WIPI1: variants seen among roughly 807,000 people sequenced by gnomAD.
WIPI1 encodes the protein WD repeat domain phosphoinositide-interacting protein 1.
WIPI1 carries 45 observed loss-of-function variants against 55.3 expected under a neutral mutation model. The ratio of observed to expected loss-of-function variants is 0.81; its 90% CI spans 0.64 to 1.04. The LOEUF (loss-of-function observed/expected upper bound fraction) is 1.04, where lower values mean the gene tolerates loss of function less well. Ranked by LOEUF, WIPI1 falls within the 50% of genes least tolerant of loss-of-function variation. WIPI1 has a pLI of 0.00. For missense variants in WIPI1, 445 were observed against 559.0 expected, an observed-to-expected ratio of 0.80 and a Z score of 2.06; for synonymous variants, 195 against 217.6, an observed-to-expected ratio of 0.90 and a Z score of 0.92.
At chr17:68,437,949 A>AAAAC (rs2083896028) in intron 4 of WIPI1, among the ~76,000 whole-genome samples, 1 of 37,762 alleles carries the variant, frequency 2.6e-5, no homozygotes, top group Non-Finnish European at 4.9e-5. Context: ...CATCTCTCTT[A>AAAAC]AAAAAAAAAA....
rs377490906 is a variant in WIPI1, at chr17:68,457,393, G to A, written c.29C>T (p.Pro10Leu). 10 of 1,534,098 alleles carry A rather than the reference G, an allele frequency of 6.5e-6. No individual in the cohort carries two copies. The highest frequency in any genetic ancestry group is 4.3e-5 in the African/African-American group (3 of 70,098). MEAEAADAP[P>L]GGVESALSCF... ...GCTGAGCGCCGACTCAACCCCGCCC[G>A]GGGGAGCGTCCGCGGCCTCGGCCTC... is the stretch of plus-strand genomic sequence containing the variant. Residue 10 changes from proline to leucine, a missense_variant, in exon 1 of 13, where the codon CCG becomes CTG. Physicochemically the swap from Pro to Leu is moderately conservative, Grantham distance 98. Coordinates refer to ENST00000262139, the MANE Select transcript of WIPI1 (RefSeq NM_017983.7).
At chr17:68,445,910 T>C (rs1373724539) in intron 3 of WIPI1, among the ~76,000 whole-genome samples, 2 of 152,156 alleles carry the variant, frequency 1.3e-5, no homozygotes, top group African/African-American at 4.8e-5. Context: ...CCCTGGGCTC[T>C]CCCCGGAGAT....
intron 1 of WIPI1, among the ~76,000 whole-genome samples, chr17:68,456,388 G>A (rs1308633027): frequency 3.9e-5 from 6 of 152,210 alleles, no homozygotes; most frequent in Admixed American, 3.9e-4. Flanking sequence ...ACAGAAACTG[G>A]TACAGCAGGA....
chr17:68,442,534 T>C (rs1379935088), intron 4 of WIPI1, among the ~76,000 whole-genome samples: 4 of 151,504 alleles, frequency 2.6e-5, no homozygotes, highest in Non-Finnish European at 4.4e-5. Context: ...AGCAACCCTG[T>C]CCTCTGGGGG....
chr17:68,453,024 G>C lies in WIPI1; in HGVS notation c.81-32C>G, dbSNP rs757303152. 16 of 1,557,866 alleles carry C rather than the reference G, an allele frequency of 1.0e-5. No individual in the cohort carries two copies. The Admixed American group carries it at 2.5e-4, about 24-fold the overall frequency. Reference sequence around the variant, plus strand: ...AGGATAATGACAGCATGGGAATAACGACAGGTATTCTAACAACAGATCTGT... The same window carrying C: ...AGGATAATGACAGCATGGGAATAACCACAGGTATTCTAACAACAGATCTGT... On this transcript the variant is annotated intron_variant, in intron 1 of 12. Transcript: ENST00000262139.
chr17:68,430,940 A>T (rs1700967629), intron 8 of WIPI1, among the ~76,000 whole-genome samples: 3 of 152,154 alleles, frequency 2.0e-5, no homozygotes, highest in African/African-American at 4.8e-5. Flanking sequence ...GGTATTCTTT[A>T]CTATGCTACC....
At chr17:68,425,964 A>AGTT (rs1455736209) in intron 12 of WIPI1, 111 bp downstream of exon 12, 1 of 786,368 alleles carries the variant, frequency 1.3e-6, no homozygotes, top group East Asian at 2.5e-5. Context: ...GCAGAGAATT[A>AGTT]GTTGTTATAG....
intron 12 of WIPI1, among the ~76,000 whole-genome samples, chr17:68,425,324 G>A (rs565746441): frequency 2.6e-5 from 4 of 151,892 alleles, no homozygotes; most frequent in Non-Finnish European, 5.9e-5. Context: ...CCATCTCAGC[G>A]TCCCGAATAG....
chr17:68,450,602 T>C, intron 3 of WIPI1, 126 bp downstream of exon 3: 2 of 1,278,200 alleles, frequency 1.6e-6, no homozygotes, highest in East Asian at 4.9e-5. Context: ...ACACGGGGCC[T>C]GAGTGTTAAC....
intron 6 of WIPI1, 30 bp from the exon 7 acceptor site, chr17:68,434,656 A>G: frequency 6.2e-7 from 1 of 1,611,756 alleles, no homozygotes; most frequent in Non-Finnish European, 8.5e-7. Context: ...GACATTTCAT[A>G]ACCATTAGTG....
At chr17:68,427,813 T>G (rs1366001317) in intron 10 of WIPI1, among the ~76,000 whole-genome samples, 1 of 152,174 alleles carries the variant, frequency 6.6e-6, no homozygotes, top group Non-Finnish European at 1.5e-5. Flanking sequence ...TGGGGGGCGG[T>G]GGCAGCTCTG....
At chr17:68,456,140 A>G (rs2084639984) in intron 1 of WIPI1, among the ~76,000 whole-genome samples, 1 of 152,228 alleles carries the variant, frequency 6.6e-6, no homozygotes. Flanking sequence ...CATATTTCGT[A>G]TTGTGGATTG....
chr17:68,443,346 C>G (rs2084158441), intron 4 of WIPI1, among the ~76,000 whole-genome samples: 1 of 152,198 alleles, frequency 6.6e-6, no homozygotes, highest in Non-Finnish European at 1.5e-5. Context: ...CTCCTAACCT[C>G]AGGTGATCCA....
intron 4 of WIPI1, among the ~76,000 whole-genome samples, chr17:68,443,292 T>G (rs1392502126): frequency 6.6e-6 from 1 of 152,072 alleles, no homozygotes; most frequent in African/African-American, 2.4e-5. Flanking sequence ...TGTATTTTTT[T>G]GGTAGAGACA....
At chr17:68,439,219 G>A (rs555586319) in intron 4 of WIPI1, among the ~76,000 whole-genome samples, 1 of 152,188 alleles carries the variant, frequency 6.6e-6, no homozygotes, top group Non-Finnish European at 1.5e-5. Context: ...GTCAAAAAGT[G>A]GAAATAACCC....
At chr17:68,449,724 C>T (rs1006156310) in intron 3 of WIPI1, among the ~76,000 whole-genome samples, 1 of 152,218 alleles carries the variant, frequency 6.6e-6, no homozygotes, top group Non-Finnish European at 1.5e-5. Context: ...CAGATGCTGC[C>T]GTGCTTCCTG....
chr17:68,437,005 A>AAAAATATAT (rs10629905), intron 4 of WIPI1, among the ~76,000 whole-genome samples: 207 of 107,248 alleles, frequency 1.9e-3, no homozygotes, highest in African/African-American at 3.3e-3. Flanking sequence ...AAAAAAAAAA[A>AAAAATATAT]ATATATATAT....
intron 4 of WIPI1, among the ~76,000 whole-genome samples, chr17:68,440,275 A>C (rs2084020269): frequency 6.6e-6 from 1 of 152,214 alleles, no homozygotes; most frequent in African/African-American, 2.4e-5. Flanking sequence ...CAAGTGTCAG[A>C]AAAATCCAAC....
intron 1 of WIPI1, among the ~76,000 whole-genome samples, chr17:68,453,306 G>GA (rs1282175065): frequency 1.3e-5 from 2 of 152,138 alleles, no homozygotes; most frequent in African/African-American, 2.4e-5. Flanking sequence ...CAGATAACAG[G>GA]AAAAATTGAA....
Sources: gnomAD v4.1 joint callset for allele counts (sites outside exome capture counted in the v4.1 genomes callset) on GRCh38, gnomAD v4.1.1 for gene constraint, MANE v1.5 for transcripts, NCBI Gene and HGNC (gene_info 2026-07-23, HGNC 2026-07-21) for gene names.